The following ACAD8 variants were observed in gnomAD, a reference collection of about 807,000 sequenced individuals.
ACAD8 encodes acyl-CoA dehydrogenase family member 8, also known as isobutyryl-CoA dehydrogenase, mitochondrial.
In ACAD8, 47 loss-of-function variants were observed where a neutral mutation model predicts 53.1. The observed-to-expected ratio is 0.89, with a 90% confidence interval of 0.70 to 1.13. The LOEUF is 1.13. ACAD8 is among the 50% of genes most tolerant of loss of function. The pLI, the probability that ACAD8 is intolerant of heterozygous loss-of-function variation, is 0.00. For synonymous variants in ACAD8, 198 were observed against 201.3 expected (o/e 0.98, Z 0.14); for missense variants, 494 against 535.0 (o/e 0.92, Z 0.76).
chr11:134,257,676 A>T (rs1003852155), intron 3 of ACAD8: 7 of 285,522 alleles, frequency 2.5e-5, no homozygotes, highest in Non-Finnish European at 4.8e-5. Flanking sequence ...CATCTCAAAA[A>T]AAATAAATAA....
At position 134,259,159 on chromosome 11, in the gene ACAD8, C is replaced by T. The variant is rs1275255701; in HGVS notation, c.567+75C>T. 6 of 1,350,384 alleles carry T rather than the reference C, an allele frequency of 4.4e-6. No individual in the cohort carries two copies. The South Asian group carries it at 4.7e-5, about 11-fold the overall frequency. 83.7% of individuals were successfully genotyped at this position (1,350,384 alleles called of 1,614,324 possible). On this transcript the variant is annotated intron_variant, in intron 5 of 10. Transcript: ENST00000281182. ...CTCCTGACATCCTCTGGTTCCTTCA[C>T]ATCCGCGGGTTAATACTCCCATAGG...
At chr11:134,257,809 A>G (rs535147209) in intron 3 of ACAD8, 3 of 179,978 alleles carry the variant, frequency 1.7e-5, no homozygotes, top group Non-Finnish European at 3.6e-5. Flanking sequence ...TGGTACCAGG[A>G]GACTTCTCCA....
At chr11:134,256,483 G>T (rs923593346) in intron 1 of ACAD8, 65 bp from the exon 2 acceptor site, 5 of 1,344,966 alleles carry the variant, frequency 3.7e-6, no homozygotes, top group Non-Finnish European at 3.2e-6. Flanking sequence ...GGTGCTTCTT[G>T]TTGGCAACAC....
intron 9 of ACAD8, chr11:134,262,227 G>C: frequency 1.5e-6 from 1 of 649,402 alleles, no homozygotes; most frequent in Non-Finnish European, 2.8e-6. Context: ...GGGAACCATA[G>C]CTTTTTATCA....
Position 134,260,993 on chromosome 11 carries a change from G to A in ACAD8, c.706-51G>A, listed in dbSNP as rs77052364. On this transcript the variant is annotated intron_variant, in intron 6 of 10. Coordinates refer to ENST00000281182, the MANE Select transcript of ACAD8 (RefSeq NM_014384.3). ...CAGGCTCCCGTCCCCAGGGAAGGCC[G>A]CCCTACCTGCTGGATTGTTGGGCAA... 9.1e-3 allele frequency: 14,589 copies of A among 1,601,398 alleles called. 1,021 individuals carry two copies. In the African/African-American group the frequency reaches 0.16, roughly 18 times the overall value.
Position 134,261,217 on chromosome 11 carries a change from C to T in ACAD8, c.841+38C>T, listed in dbSNP as rs77067193. On this transcript the variant is annotated intron_variant, in intron 7 of 10. Transcript: ENST00000281182. The surrounding 1 kb of genome is among the most constrained non-coding windows in gnomAD (Gnocchi z 4.2). Reference sequence around the variant, plus strand: ...GGGGTGTGGCAGGGAGGTAGCGGTCCGGGACAGGCACTGCTGTTTTCCAGC... The same window carrying T: ...GGGGTGTGGCAGGGAGGTAGCGGTCTGGGACAGGCACTGCTGTTTTCCAGC... 1.3e-3 allele frequency: 2,164 copies of T among 1,613,968 alleles called. 17 individuals carry two copies. In the African/African-American group the frequency reaches 0.015, roughly 11 times the overall value.
chr11:134,259,059 A>C lies in ACAD8; in HGVS notation c.542A>C (p.Asp181Ala). The change falls in exon 5 of 11, where the codon GAT becomes GCT. Residue 181 changes from aspartate to alanine, a missense_variant. By Grantham distance (126) the Asp-to-Ala change is moderately radical. Transcript: ENST00000281182. ...SLLTSAKKQG[D>A]HYILNGSKAF... is the part of the protein sequence containing the mutation. ...CTGACCTCCGCTAAGAAACAGGGAGATCATTACATCCTCAATGGCTCCAAG... is the reference window on the plus strand; with the variant it reads ...CTGACCTCCGCTAAGAAACAGGGAGCTCATTACATCCTCAATGGCTCCAAG... 1 of 1,614,090 alleles carries C rather than the reference A, an allele frequency of 6.2e-7. No individual in the cohort carries two copies. Among genetic ancestry groups the C allele is most frequent in the Non-Finnish European group, 8.5e-7 (1 of 1,180,022 alleles).
chr11:134,262,543 G>A lies in ACAD8; in HGVS notation c.1116G>A (p.Met372Ile). The change falls in exon 10 of 11, where the codon ATG becomes ATA. Residue 372 changes from methionine (M) to isoleucine (I), a missense_variant. Met to Ile is a conservative substitution (Grantham distance 10). Transcript: ENST00000281182. The part of the protein sequence containing the change: ...CFAICNQALQ[M>I]HGGYGYLKDY... Reference sequence around the variant, plus strand: ...AGATCTGCAACCAGGCCTTGCAGATGCACGGGGGCTACGGCTACCTGAAGG... The same window carrying A: ...AGATCTGCAACCAGGCCTTGCAGATACACGGGGGCTACGGCTACCTGAAGG... The A allele has an allele frequency of 6.2e-7, 1 of 1,613,938 alleles. No homozygotes were observed. The highest frequency in any genetic ancestry group is 1.3e-5 in the African/African-American group (1 of 75,048).
Position 134,259,445 on chromosome 11 carries a change from G to C in ACAD8, c.568-163G>C. The C allele has an allele frequency of 1.0e-5, 6 of 581,882 alleles. No individual in the cohort carries two copies. In the South Asian group the frequency reaches 1.2e-4, roughly 12 times the overall value. The allele number at this position is 581,882 out of a possible 1,614,324, so 36.0% of individuals were successfully genotyped here. ...TCTGTGCCATTGGACCTTATTGTCA[G>C]TCTCTGTGCCATTGGACCTTATTGT... On this transcript the variant is annotated intron_variant, in intron 5 of 10. Coordinates refer to ENST00000281182, the MANE Select transcript of ACAD8 (RefSeq NM_014384.3).
chr11:134,263,722 C>G (rs1940034769), intron 10 of ACAD8: 2 of 985,256 alleles, frequency 2.0e-6, no homozygotes, highest in Non-Finnish European at 2.4e-6. Context: ...CATTCTAACT[C>G]TCTCTCCACC....
intron 10 of ACAD8, chr11:134,262,869 G>A (rs537247862): frequency 3.2e-4 from 449 of 1,389,804 alleles, no homozygotes; most frequent in Non-Finnish European, 4.1e-4. Context: ...GGAGATCTGC[G>A]AGAAGGGTGA....
intron 3 of ACAD8, among the ~76,000 whole-genome samples, chr11:134,257,546 G>A (rs562917209): frequency 4.5e-4 from 69 of 152,134 alleles, no homozygotes; most frequent in African/African-American, 1.5e-3. Context: ...GGTGGCTGGC[G>A]CCTGTAGTCC....
chr11:134,254,830 T>C (rs993001661), intron 1 of ACAD8, among the ~76,000 whole-genome samples: 2 of 152,264 alleles, frequency 1.3e-5, no homozygotes, highest in African/African-American at 4.8e-5. Context: ...TGTATTGGCA[T>C]CTTGAGCTCT....
rs995801278 is a variant in ACAD8, at chr11:134,253,636, C to T, written c.36C>T (p.Arg12=). The T allele has an allele frequency of 6.3e-7, 1 of 1,586,366 alleles. No individual in the cohort carries two copies. The highest frequency in any genetic ancestry group is 8.6e-7 in the Non-Finnish European group (1 of 1,169,354). Reference sequence around the variant, plus strand: ...GCGGCTGCCGGCGTTTCGGGGCGCGCCTCGGCTGCCTGCCCGGCGGTCTCC... The same window carrying T: ...GCGGCTGCCGGCGTTTCGGGGCGCGTCTCGGCTGCCTGCCCGGCGGTCTCC... ...LWSGCRRFGA[R]LGCLPGGLRV... is the part of the protein sequence containing the mutation. Residue 12 remains arginine (R), a synonymous_variant, in exon 1 of 11, where the codon CGC becomes CGT. Transcript: ENST00000281182.
chr11:134,255,230 G>A (rs565766001), intron 1 of ACAD8, among the ~76,000 whole-genome samples: 8 of 152,236 alleles, frequency 5.3e-5, no homozygotes, highest in Admixed American at 3.3e-4. Context: ...TCTGCCCCAC[G>A]GGTTCAAGCA....
chr11:134,257,048 T>C, intron 2 of ACAD8, 40 bp from the exon 3 acceptor site: 1 of 1,613,290 alleles, frequency 6.2e-7, no homozygotes. Context: ...AGGCCGTCTC[T>C]GAATCAGCTG....
intron 2 of ACAD8, 101 bp from the exon 3 acceptor site, chr11:134,256,987 C>A: frequency 8.2e-7 from 1 of 1,215,434 alleles, no homozygotes; most frequent in Non-Finnish European, 1.2e-6. Context: ...AGAATTCATA[C>A]GCTGTCGCAT....
At chr11:134,258,019 T>G (rs1228041752) in intron 3 of ACAD8, 2 of 198,516 alleles carry the variant, frequency 1.0e-5, no homozygotes, top group East Asian at 1.3e-4. Flanking sequence ...CTGGCTAATT[T>G]TTTTTCATAT....
Position 134,257,137 on chromosome 11 carries a change from GA to G in ACAD8, c.261del (p.Val89SerfsTer35). 1 of 1,614,160 alleles carries G rather than the reference GA, an allele frequency of 6.2e-7. No homozygotes were observed. Among genetic ancestry groups the G allele is most frequent in the Non-Finnish European group, 8.5e-7 (1 of 1,180,044 alleles). ...VMRKAAQLGF[G>X]GVYIQTDVGG... is the part of the protein sequence containing the mutation. Reference sequence around the variant, plus strand: ...CGGAAGGCAGCCCAGCTAGGCTTCGGAGGGGTCTACATACAAACAGATGTGG... The same window carrying G: ...CGGAAGGCAGCCCAGCTAGGCTTCGGGGGGTCTACATACAAACAGATGTGG... On this transcript the variant is annotated frameshift_variant, in exon 3 of 11. Transcript: ENST00000281182. LOFTEE classifies it high-confidence loss of function.
Sources: allele counts gnomAD v4.1 joint callset (sites outside exome capture counted in the v4.1 genomes callset), GRCh38; gene constraint gnomAD v4.1.1; non-coding constraint Gnocchi (gnomAD v3.1); transcripts MANE v1.5; gene names NCBI Gene and HGNC (gene_info 2026-07-23, HGNC 2026-07-21).